Variants in ARHGEF10L observed in about 807,000 individuals in gnomAD.
The protein encoded by ARHGEF10L is rho guanine nucleotide exchange factor 10-like protein.
In ARHGEF10L, 69 loss-of-function variants were observed where a neutral mutation model predicts 141.2. The observed-to-expected ratio is 0.49, with a 90% CI of 0.40 to 0.60. ARHGEF10L has a LOEUF of 0.60. Among genes scored for constraint, ARHGEF10L ranks in the 20% least tolerant of loss-of-function variants. The probability of loss-of-function intolerance (pLI) is 0.00; values close to 1 mark genes in which losing one functional copy is unlikely to be tolerated. For synonymous variants in ARHGEF10L, 711 were observed against 718.5 expected (o/e 0.99, Z 0.17); for missense variants, 1,482 against 1,734.3 (o/e 0.85, Z 2.58).
Position 17,654,907 on chromosome 1 carries a change from T to C in ARHGEF10L, c.2481+185T>C, listed in dbSNP as rs941312467. Among the ~76,000 whole-genome samples, 1 of 152,212 alleles carries C rather than the reference T, an allele frequency of 6.6e-6. No individual in the cohort carries two copies. The highest frequency in any genetic ancestry group is 2.4e-5 in the African/African-American group (1 of 41,456). On this transcript the variant is annotated intron_variant, in intron 23 of 28. Coordinates refer to ENST00000361221, the MANE Select transcript of ARHGEF10L (RefSeq NM_018125.4). This position sits in a 1 kb window ranked among gnomAD's most constrained non-coding sequence, Gnocchi z 4.3. ...TTTGGAGTTGGGAGGTGCAACCTCA[T>C]CTGGGGCAACAGAAAACCAGGGAGC...
chr1:17,686,594 C>T (rs12729433), intron 26 of ARHGEF10L, among the ~76,000 whole-genome samples: 75 of 151,810 alleles, frequency 4.9e-4, no homozygotes, highest in African/African-American at 1.6e-3. Context: ...GAGGACAGTT[C>T]GGGGGGGCAG....
the ARHGEF10L span, among the ~76,000 whole-genome samples, chr1:17,516,158 T>C: frequency 6.6e-6 from 1 of 152,174 alleles, no homozygotes; most frequent in South Asian, 2.1e-4. Context: ...CCTTGCTGAG[T>C]GGAGTATGGC....
intron 1 of ARHGEF10L, among the ~76,000 whole-genome samples, chr1:17,553,812 T>G (rs1052209880): frequency 6.6e-6 from 1 of 151,842 alleles, no homozygotes; most frequent in Admixed American, 6.6e-5. Flanking sequence ...ATATATAGCT[T>G]AATAGCAGCG....
chr1:17,686,589 C>G (rs1345617398), intron 26 of ARHGEF10L, among the ~76,000 whole-genome samples: 1 of 151,894 alleles, frequency 6.6e-6, no homozygotes, highest in Non-Finnish European at 1.5e-5. Context: ...TGGAGGAGGA[C>G]AGTTCGGGGG....
At position 17,696,926 on chromosome 1, in the gene ARHGEF10L, A is replaced by T; in HGVS notation, c.3386A>T (p.Asp1129Val). The T allele has an allele frequency of 1.9e-6, 3 of 1,610,936 alleles. No individual in the cohort carries two copies. Among genetic ancestry groups the T allele is most frequent in the Non-Finnish European group, 2.5e-6 (3 of 1,178,610 alleles). ...GTGGCTACCAGCATCCTGGCCCCTG[A>T]CATCCTGCGGAGTGACCAGGAGGAG... ...LAVATSILAP[D>V]ILRSDQEEAE... The change falls in exon 29 of 29, where the codon GAC becomes GTC. Residue 1129 changes from aspartate to valine, a missense_variant. Asp to Val is a radical substitution (Grantham distance 152). Around this residue, in one of 3 missense-constraint regions of ARHGEF10L, gnomAD observed 858 missense variants for 966.3 expected, o/e 0.89. Coordinates refer to ENST00000361221, the MANE Select transcript of ARHGEF10L (RefSeq NM_018125.4).
chr1:17,652,196 G>A (rs1212658927), intron 22 of ARHGEF10L, among the ~76,000 whole-genome samples: 1 of 152,214 alleles, frequency 6.6e-6, no homozygotes, highest in East Asian at 1.9e-4. Flanking sequence ...ACCAGTGGAT[G>A]AGGATGTGTT....
intron 26 of ARHGEF10L, among the ~76,000 whole-genome samples, chr1:17,678,638 T>C (rs112317357): frequency 0.084 from 12,742 of 152,172 alleles, 1,460 homozygotes; most frequent in African/African-American, 0.25. Context: ...AGGCTGGTTT[T>C]GAACCCCTGA....
intron 26 of ARHGEF10L, among the ~76,000 whole-genome samples, chr1:17,666,042 A>G (rs899058258): frequency 2.6e-5 from 4 of 152,142 alleles, no homozygotes; most frequent in African/African-American, 4.8e-5. Context: ...CAGGGAGCGA[A>G]TTCTCCCCTC....
chr1:17,620,064 A>T (rs1397113571), intron 10 of ARHGEF10L, among the ~76,000 whole-genome samples: 1 of 152,088 alleles, frequency 6.6e-6, no homozygotes. Context: ...TTAGATGTGC[A>T]TGGTGGTACA....
intron 15 of ARHGEF10L, among the ~76,000 whole-genome samples, chr1:17,630,183 A>G (rs76900306): frequency 0.024 from 3,588 of 152,342 alleles, 154 homozygotes; most frequent in African/African-American, 0.082. Flanking sequence ...CCCTATCACC[A>G]TCACCCAGGG....
chr1:17,574,499 T>C (rs1008786418), intron 1 of ARHGEF10L, among the ~76,000 whole-genome samples: 3 of 152,136 alleles, frequency 2.0e-5, no homozygotes, highest in Non-Finnish European at 2.9e-5. Context: ...AACCTACCAG[T>C]GTTGTCCAAT....
At chr1:17,565,542 G>C (rs1004079468) in intron 1 of ARHGEF10L, among the ~76,000 whole-genome samples, 4 of 152,198 alleles carry the variant, frequency 2.6e-5, no homozygotes, top group Non-Finnish European at 4.4e-5. Context: ...AGTTTCTGCA[G>C]CCCCCAGGTC....
rs917055334 is a variant in ARHGEF10L at position 17,654,430 on chromosome 1, C to T, written c.2395-206C>T. Among the ~76,000 whole-genome samples the T allele has an allele frequency of 3.9e-5, 6 of 152,136 alleles. No individual in the cohort carries two copies. The South Asian group carries it at 6.2e-4, about 16-fold the overall frequency. ...GAGCCTCTTGCAGGCCTCTTCTAGCCGGAAGGTTCTAGGAAAGGAAGAACA... is the reference window on the plus strand; with the variant it reads ...GAGCCTCTTGCAGGCCTCTTCTAGCTGGAAGGTTCTAGGAAAGGAAGAACA... On this transcript the variant is annotated intron_variant, in intron 22 of 28. Coordinates refer to ENST00000361221, the MANE Select transcript of ARHGEF10L (RefSeq NM_018125.4). The surrounding 1 kb of genome is among the most constrained non-coding windows in gnomAD (Gnocchi z 4.3).
chr1:17,695,867 G>T (rs1345971326), intron 28 of ARHGEF10L, among the ~76,000 whole-genome samples: 2 of 152,010 alleles, frequency 1.3e-5, no homozygotes, highest in African/African-American at 4.8e-5. Context: ...GGGGTGGGCT[G>T]GCTCCCTGCG....
At chr1:17,666,693 C>A (rs958199135) in intron 26 of ARHGEF10L, among the ~76,000 whole-genome samples, 3 of 151,988 alleles carry the variant, frequency 2.0e-5, no homozygotes, top group South Asian at 2.1e-4. Flanking sequence ...CCCTTCCCAG[C>A]CCCTGGTTCA....
At chr1:17,614,027 C>T (rs2059678201) in intron 8 of ARHGEF10L, among the ~76,000 whole-genome samples, 1 of 152,240 alleles carries the variant, frequency 6.6e-6, no homozygotes, top group Non-Finnish European at 1.5e-5. Context: ...ACCGCCCTGT[C>T]CTTGTGGCAC....
chr1:17,617,173 C>T (rs967015109), intron 9 of ARHGEF10L, among the ~76,000 whole-genome samples: 1 of 152,220 alleles, frequency 6.6e-6, no homozygotes, highest in Non-Finnish European at 1.5e-5. Context: ...GGGCATTTGC[C>T]TTTGGTCTTA....
chr1:17,633,088 G>A (rs529127774), intron 16 of ARHGEF10L, among the ~76,000 whole-genome samples: 4 of 152,302 alleles, frequency 2.6e-5, no homozygotes, highest in African/African-American at 9.6e-5. Flanking sequence ...CTAACACAGG[G>A]AGCCCACACC....
At chr1:17,662,173 A>G (rs765536991) in intron 25 of ARHGEF10L, among the ~76,000 whole-genome samples, 5 of 152,150 alleles carry the variant, frequency 3.3e-5, no homozygotes, top group Non-Finnish European at 7.3e-5. Flanking sequence ...TGTCTCCGTT[A>G]TGAACAGGGA....
Sources: gnomAD v4.1 joint callset for allele counts (sites outside exome capture counted in the v4.1 genomes callset) on GRCh38, gnomAD v4.1.1 for gene constraint, gnomAD v4.1.1 regional missense constraint, Gnocchi (gnomAD v3.1) non-coding constraint, MANE v1.5 for transcripts, NCBI Gene and HGNC (gene_info 2026-07-23, HGNC 2026-07-21) for gene names.